Variants in LRBA observed in about 807,000 individuals in gnomAD.
LRBA encodes LPS responsive beige-like anchor protein.
Under a neutral mutation model 330.0 loss-of-function variants are expected in LRBA, and 176 were observed. The ratio of observed to expected loss-of-function variants is 0.53; its 90% CI spans 0.47 to 0.60. The LOEUF is 0.60. Ranked by LOEUF, LRBA falls within the 20% of genes least tolerant of loss-of-function variation. LRBA has a pLI of 0.00. For missense variants in LRBA, 3,259 were observed against 3,444.8 expected, an observed-to-expected ratio of 0.95 and a Z score of 1.35; for synonymous variants, 1,230 against 1,193.0, an observed-to-expected ratio of 1.03 and a Z score of -0.64.
chr4:150,981,327 C>T (rs191342533), intron 2 of LRBA, among the ~76,000 whole-genome samples: 170 of 150,350 alleles, frequency 1.1e-3, no homozygotes, highest in Non-Finnish European at 1.7e-3. Context: ...GTGGGAGAAT[C>T]GCCTGAACCT....
chr4:150,710,942 A>C (rs1490348285), intron 36 of LRBA, among the ~76,000 whole-genome samples: 1 of 151,964 alleles, frequency 6.6e-6, no homozygotes, highest in Non-Finnish European at 1.5e-5. Flanking sequence ...TCTATCTCTG[A>C]CTGAGAGCTA....
chr4:150,696,325 T>C (rs1274200431), intron 36 of LRBA, among the ~76,000 whole-genome samples: 1 of 152,166 alleles, frequency 6.6e-6, no homozygotes, highest in South Asian at 2.1e-4. Context: ...TAATTAACAA[T>C]GTAGTTAAGA....
At chr4:150,802,558 A>G (rs1354219031) in intron 33 of LRBA, among the ~76,000 whole-genome samples, 1 of 152,158 alleles carries the variant, frequency 6.6e-6, no homozygotes, top group Non-Finnish European at 1.5e-5. Flanking sequence ...GTTCTTTGGA[A>G]AATCTCTTTA....
At chr4:150,864,330 CTG>C (rs1339700593) in intron 22 of LRBA, among the ~76,000 whole-genome samples, 1 of 152,120 alleles carries the variant, frequency 6.6e-6, no homozygotes, top group Non-Finnish European at 1.5e-5. Context: ...GGAATTAAAA[CTG>C]AGACCTTTTA....
intron 28 of LRBA, chr4:150,840,944 T>C (rs1365605794): frequency 3.5e-6 from 4 of 1,142,090 alleles, no homozygotes; most frequent in Non-Finnish European, 4.5e-6. Flanking sequence ...AAATAGAAGA[T>C]AGGCTCAATT....
At chr4:150,764,764 T>C (rs1387949152) in intron 34 of LRBA, among the ~76,000 whole-genome samples, 1 of 152,018 alleles carries the variant, frequency 6.6e-6, no homozygotes, top group Non-Finnish European at 1.5e-5. Context: ...TACACTGACA[T>C]CACCTAATGC....
chr4:150,271,247 C>T (rs1295160133), intron 56 of LRBA, among the ~76,000 whole-genome samples: 3 of 152,104 alleles, frequency 2.0e-5, no homozygotes, highest in Non-Finnish European at 4.4e-5. Context: ...CCTACACCAC[C>T]AGGGCCCTGG....
intron 36 of LRBA, among the ~76,000 whole-genome samples, chr4:150,704,918 G>C: frequency 6.6e-6 from 1 of 152,104 alleles, no homozygotes; most frequent in East Asian, 1.9e-4. Context: ...TAAGATTTCA[G>C]TATTTACTTA....
rs943245735 is a variant in LRBA, at chr4:150,313,983, C to T, written c.7693+1578G>A. 2.6e-5 allele frequency among the ~76,000 whole-genome samples: 4 copies of T among 151,832 alleles called. No homozygotes were observed. In the South Asian group the frequency reaches 6.3e-4, roughly 24 times the overall value. On this transcript the variant is annotated intron_variant, in intron 51 of 56. Transcript: ENST00000651943. ...GTGGAATTTTCCACTTGTCTTGTCA[C>T]GTTGGTCTTTAAAAAGTTTCAGAGT...
chr4:150,875,881 T>C (rs762741652), intron 17 of LRBA, among the ~76,000 whole-genome samples: 7 of 152,136 alleles, frequency 4.6e-5, no homozygotes, highest in Admixed American at 6.5e-5. Context: ...CCATGGTCCA[T>C]AACCAAAATG....
Position 151,007,684 on chromosome 4 carries a change from C to T in LRBA, c.216+6743G>A, listed in dbSNP as rs567966725. ...CATCCTGGCTAACACGGTGAAACCA[C>T]GTGTCTACTAAAAATACAAAAAATT... On this transcript the variant is annotated intron_variant, in intron 2 of 56. Coordinates refer to ENST00000651943, the MANE Select transcript of LRBA (RefSeq NM_001364905.1). 2.0e-3 allele frequency among the ~76,000 whole-genome samples: 304 copies of T among 150,868 alleles called. 2 individuals carry two copies. The highest frequency in any genetic ancestry group is 2.1e-3 in the Non-Finnish European group (144 of 67,760).
chr4:150,501,894 T>C (rs968909801), intron 40 of LRBA, among the ~76,000 whole-genome samples: 2 of 152,164 alleles, frequency 1.3e-5, no homozygotes, highest in African/African-American at 2.4e-5. Flanking sequence ...GGAAACAAAA[T>C]TGTGACACCT....
rs200423419 is a variant in LRBA at position 150,384,959 on chromosome 4, C to T, written c.7194+30479G>A. On this transcript the variant is annotated intron_variant, in intron 47 of 56. Coordinates refer to ENST00000651943, the MANE Select transcript of LRBA (RefSeq NM_001364905.1). Reference sequence around the variant, plus strand: ...TGTTACTGTTCTTGATCCCCCAATTCATAGGTATAATCTTTATGTCCTAAA... The same window carrying T: ...TGTTACTGTTCTTGATCCCCCAATTTATAGGTATAATCTTTATGTCCTAAA... 3.3e-5 allele frequency among the ~76,000 whole-genome samples: 5 copies of T among 152,012 alleles called. No homozygotes were observed. The East Asian group carries it at 7.7e-4, about 23-fold the overall frequency.
intron 2 of LRBA, among the ~76,000 whole-genome samples, chr4:150,949,209 T>C (rs1736553135): frequency 6.6e-6 from 1 of 152,094 alleles, no homozygotes. Context: ...CTTCAACAGC[T>C]AAATGGTTAA....
Position 150,321,166 on chromosome 4 carries a change from C to T in LRBA, c.7630+25G>A, listed in dbSNP as rs754127866. The T allele has an allele frequency of 6.3e-7, 1 of 1,590,500 alleles. No individual in the cohort carries two copies. Among genetic ancestry groups the T allele is most frequent in the South Asian group, 1.1e-5 (1 of 88,052 alleles). On this transcript the variant is annotated intron_variant, in intron 50 of 56. Coordinates refer to ENST00000651943, the MANE Select transcript of LRBA (RefSeq NM_001364905.1). This position sits in a 1 kb window ranked among gnomAD's most constrained non-coding sequence, Gnocchi z 4.5. ...ACACAGTGTTCAGCAGTTACCATGCCTTATAATGGTATTTCTTTACTTACC... is the reference window on the plus strand; with the variant it reads ...ACACAGTGTTCAGCAGTTACCATGCTTTATAATGGTATTTCTTTACTTACC...
At chr4:150,759,162 C>G (rs1325344646) in intron 35 of LRBA, among the ~76,000 whole-genome samples, 2 of 152,274 alleles carry the variant, frequency 1.3e-5, no homozygotes, top group East Asian at 3.9e-4. Context: ...ACAAGTCACC[C>G]ACCTCAGCCT....
At chr4:150,459,269 T>C (rs1164799365) in intron 44 of LRBA, among the ~76,000 whole-genome samples, 1 of 151,914 alleles carries the variant, frequency 6.6e-6, no homozygotes, top group Non-Finnish European at 1.5e-5. Context: ...TCTGGTGTGC[T>C]TGGTGTTCTC....
intron 39 of LRBA, 148 bp downstream of exon 39, chr4:150,590,565 T>G: frequency 1.6e-6 from 1 of 630,422 alleles, no homozygotes; most frequent in Non-Finnish European, 2.7e-6. Flanking sequence ...GGAGAAACTG[T>G]AGAAGGGGGG....
chr4:150,360,405 T>A (rs1738527372), intron 47 of LRBA, among the ~76,000 whole-genome samples: 1 of 152,020 alleles, frequency 6.6e-6, no homozygotes, highest in African/African-American at 2.4e-5. Flanking sequence ...GTAATCAACA[T>A]AGAAATTATT....
Sources: gnomAD v4.1 joint callset for allele counts (sites outside exome capture counted in the v4.1 genomes callset) on GRCh38, gnomAD v4.1.1 for gene constraint, Gnocchi (gnomAD v3.1) non-coding constraint, MANE v1.5 for transcripts, NCBI Gene and HGNC (gene_info 2026-07-23, HGNC 2026-07-21) for gene names.